The following CAND1 variants were observed in gnomAD, a reference collection of about 807,000 sequenced individuals.
CAND1 encodes the protein cullin-associated NEDD8-dissociated protein 1.
Under a neutral mutation model 108.5 loss-of-function variants are expected in CAND1, and 7 were observed. The observed-to-expected ratio is 0.06, with a 90% confidence interval of 0.04 to 0.12. The LOEUF (loss-of-function observed/expected upper bound fraction) is 0.12. CAND1 is among the 10% of genes least tolerant of loss of function. The pLI is 1.00. For synonymous variants in CAND1, 534 were observed against 512.0 expected (o/e 1.04, Z -0.58); for missense variants, 941 against 1,448.7 (o/e 0.65, Z 5.69).
rs11176683 is a variant in CAND1 at position 67,317,127 on chromosome 12, A to G, written c.*4297A>G. On this transcript the variant is annotated 3_prime_UTR_variant, in exon 15 of 15. Transcript: ENST00000545606. ...AATATTTAAGGGAAACTGAAGTGCA[A>G]ATGGCCTCACAGGTTTGTTTTTGTG... The G allele has an allele frequency of 0.48, 73,551 of 152,090 alleles. 19,312 individuals are homozygous for G. Among genetic ancestry groups the G allele is most frequent in the Non-Finnish European group, 0.59 (40,394 of 68,000 alleles). 9.4% of individuals were successfully genotyped at this position (152,090 alleles called of 1,614,324 possible).
At chr12:67,292,578 T>G (rs775427031) in intron 2 of CAND1, 44 bp from the exon 3 acceptor site, 1 of 1,468,996 alleles carries the variant, frequency 6.8e-7, no homozygotes, top group Admixed American at 2.2e-5. Flanking sequence ...CCTGTTTTTG[T>G]GCTTATCTAG....
rs1231423950 is a variant in CAND1, at chr12:67,315,743, G to A, written c.*2913G>A. On this transcript the variant is annotated 3_prime_UTR_variant, in exon 15 of 15. Transcript: ENST00000545606. ...CTTCGGTAAATAGTGAAGAAATAAT[G>A]GGCATATCTAATTAACCAGTTCTAG... is the stretch of plus-strand genomic sequence containing the variant. 6.6e-6 allele frequency: 1 copy of A among 151,956 alleles called. No individual in the cohort carries two copies. Among genetic ancestry groups the A allele is most frequent in the African/African-American group, 2.4e-5 (1 of 41,340 alleles). 9.4% of individuals were successfully genotyped at this position (151,956 alleles called of 1,614,324 possible). A position where few individuals can be genotyped will look rare whatever the true frequency, so the allele number is the denominator to read the frequency against.
chr12:67,294,860 A>G (rs188031150), intron 3 of CAND1, 173 bp from the exon 4 acceptor site: 10 of 472,200 alleles, frequency 2.1e-5, no homozygotes, highest in African/African-American at 2.0e-5. Context: ...GTTTATTTCT[A>G]TAAGTCATTT....
chr12:67,293,185 C>T (rs2044737510), intron 3 of CAND1: 1 of 179,114 alleles, frequency 5.6e-6, no homozygotes, highest in Non-Finnish European at 1.2e-5. Flanking sequence ...TAACACCATT[C>T]AGACATAGCT....
intron 1 of CAND1, among the ~76,000 whole-genome samples, chr12:67,273,324 A>G (rs1475772672): frequency 6.6e-6 from 1 of 152,182 alleles, no homozygotes; most frequent in Non-Finnish European, 1.5e-5. Context: ...TGCATGTTCC[A>G]TAAAGGAATA....
rs557106057 is a variant in CAND1, at chr12:67,269,643, TGGC to T, written c.-59_-57del. ...CCGCGAGCGAGAGGAGGAGCTCCAG[TGGC>T]GGCGGCGGCGGCGGCAGCGGCAGCG... On this transcript the variant is annotated 5_prime_UTR_variant, in exon 1 of 15. Coordinates refer to ENST00000545606, the MANE Select transcript of CAND1 (RefSeq NM_018448.5). 746 of 1,310,588 alleles carry T rather than the reference TGGC, an allele frequency of 5.7e-4. No individual in the cohort carries two copies. Among genetic ancestry groups the T allele is most frequent in the Non-Finnish European group, 6.6e-4 (609 of 927,582 alleles). The allele number at this position is 1,310,588 out of a possible 1,614,324, so 81.2% of individuals were successfully genotyped here. A position where few individuals can be genotyped will look rare whatever the true frequency, so the allele number is the denominator to read the frequency against.
Position 67,319,313 on chromosome 12 carries a change from T to C in CAND1, c.*6483T>C, listed in dbSNP as rs1180996615. 6.6e-6 allele frequency: 1 copy of C among 152,270 alleles called. No homozygotes were observed. Among genetic ancestry groups the C allele is most frequent in the Non-Finnish European group, 1.5e-5 (1 of 68,058 alleles). The allele number at this position is 152,270 out of a possible 1,614,324, so 9.4% of individuals were successfully genotyped here. On this transcript the variant is annotated 3_prime_UTR_variant, in exon 15 of 15. Coordinates refer to ENST00000545606, the MANE Select transcript of CAND1 (RefSeq NM_018448.5). ...AGGACTAACTTTTTCTTCTGACAAC[T>C]ATAAAATATTTCCCTTGCCTTCTCA...
At chr12:67,276,336 T>A (rs2044569292) in intron 1 of CAND1, among the ~76,000 whole-genome samples, 1 of 152,256 alleles carries the variant, frequency 6.6e-6, no homozygotes, top group Non-Finnish European at 1.5e-5. Flanking sequence ...TATATTTTTT[T>A]AAATCACTTT....
intron 2 of CAND1, among the ~76,000 whole-genome samples, chr12:67,283,680 A>C (rs1254024579): frequency 6.6e-6 from 1 of 152,154 alleles, no homozygotes; most frequent in Non-Finnish European, 1.5e-5. Context: ...TGTGCCTAAT[A>C]AACAAAATTA....
rs1057254157 is a variant in CAND1, at chr12:67,315,865, T to C, written c.*3035T>C. The C allele has an allele frequency of 1.3e-5, 2 of 152,244 alleles. No homozygotes were observed. Among genetic ancestry groups the C allele is most frequent in the African/African-American group, 4.8e-5 (2 of 41,544 alleles). 9.4% of individuals were successfully genotyped at this position (152,244 alleles called of 1,614,324 possible). On this transcript the variant is annotated 3_prime_UTR_variant, in exon 15 of 15. Coordinates refer to ENST00000545606, the MANE Select transcript of CAND1 (RefSeq NM_018448.5). The stretch of plus-strand genomic sequence containing the variant: ...GTTCAAAATGAGGAAGTATACAAAA[T>C]CCTCAGCCACTGAAAAATTCAGTTA...
chr12:67,312,753 C>T lies in CAND1; in HGVS notation c.3616C>T (p.Pro1206Ser). 3 of 1,613,724 alleles carry T rather than the reference C, an allele frequency of 1.9e-6. No homozygotes were observed. The highest frequency in any genetic ancestry group is 2.5e-6 in the Non-Finnish European group (3 of 1,179,810). ...SEFQSQISSN[P>S]ELAAIFESIQ... ...ATTCCAGTCACAGATCAGTTCTAAC[C>T]CTGAGCTGGCGGCTATCTTTGAAAG... Residue 1206 changes from proline (P) to serine (S), a missense_variant, in exon 15 of 15, where the codon CCT (proline) becomes TCT (serine). By Grantham distance (74) the Pro-to-Ser change is moderately conservative. Around this residue, in one of 9 missense-constraint regions of CAND1, gnomAD observed 39 missense variants for 51.3 expected, o/e 0.76. Coordinates refer to ENST00000545606, the MANE Select transcript of CAND1 (RefSeq NM_018448.5).
intron 3 of CAND1, chr12:67,293,124 ACT>A (rs1320112719): frequency 4.4e-6 from 1 of 229,054 alleles, no homozygotes. Flanking sequence ...TGATTAGTTC[ACT>A]GTTTCCAGTA....
In CAND1 at chr12:67,299,049, A is replaced by G; in HGVS notation, c.954A>G (p.Glu318=). 6.7e-7 allele frequency: 1 copy of G among 1,501,202 alleles called. No homozygotes were observed. Among genetic ancestry groups the G allele is most frequent in the Non-Finnish European group, 9.2e-7 (1 of 1,082,354 alleles). 93.0% of individuals were successfully genotyped at this position (1,501,202 alleles called of 1,614,324 possible). Residue 318 remains glutamate, a synonymous_variant, in exon 7 of 15, where the codon GAA becomes GAG. Transcript: ENST00000545606. ...ATTATAATTACGATGATGAAGATGA[A>G]GATGAAAATGCAATGGATGCTGATG... ...DPNYNYDDED[E]DENAMDADGG...
rs536809313 is a variant in CAND1 at position 67,280,415 on chromosome 12, C to T, written c.69-1495C>T. ...TTATTTCCCATGTTGCGGACTATCTCCATAGCTGTTTATCAATTCAGCTCC... is the reference window on the plus strand; with the variant it reads ...TTATTTCCCATGTTGCGGACTATCTTCATAGCTGTTTATCAATTCAGCTCC... On this transcript the variant is annotated intron_variant, in intron 1 of 14. Coordinates refer to ENST00000545606, the MANE Select transcript of CAND1 (RefSeq NM_018448.5). 7.9e-5 allele frequency among the ~76,000 whole-genome samples: 12 copies of T among 152,312 alleles called. 1 individual carries two copies. The highest frequency in any genetic ancestry group is 7.2e-4 in the Admixed American group (11 of 15,306).
intron 12 of CAND1, 40 bp from the exon 13 acceptor site, chr12:67,310,112 T>C: frequency 6.2e-7 from 1 of 1,609,628 alleles, no homozygotes; most frequent in Admixed American, 1.7e-5. Context: ...GTCTTTGACT[T>C]AAGTATTGTA....
Position 67,295,116 on chromosome 12 carries a change from C to A in CAND1, c.451C>A (p.Gln151Lys). The A allele has an allele frequency of 1.2e-6, 2 of 1,612,868 alleles. No individual in the cohort carries two copies. The highest frequency in any genetic ancestry group is 2.2e-5 in the South Asian group (2 of 90,962). ...AIAKQEDVSV[Q>K]LEALDIMADM... ...AGCAAAACAGGAAGATGTCTCTGTT[C>A]AGCTAGAAGCCTTGGATATTATGGC... The change falls in exon 4 of 15, where the codon CAG becomes AAG. Residue 151 changes from glutamine to lysine, a missense_variant. Transcript: ENST00000545606.
At position 67,306,053 on chromosome 12, in the gene CAND1, T is replaced by A. The variant is rs2044880234; in HGVS notation, c.2385T>A (p.Ser795=). Reference sequence around the variant, plus strand: ...GCACAGCTCTTACTCATAAGCAGTCTTATTATTCCATTGCCAAATGTGTAG... The same window carrying A: ...GCACAGCTCTTACTCATAAGCAGTCATATTATTCCATTGCCAAATGTGTAG... The part of the protein sequence containing the change: ...SQSTALTHKQ[S]YYSIAKCVAA... Residue 795 remains serine, a synonymous_variant, in exon 10 of 15, where the codon TCT becomes TCA. Coordinates refer to ENST00000545606, the MANE Select transcript of CAND1 (RefSeq NM_018448.5). The A allele has an allele frequency of 6.2e-7, 1 of 1,614,012 alleles. No homozygotes were observed. Among genetic ancestry groups the A allele is most frequent in the Admixed American group, 1.7e-5 (1 of 60,002 alleles).
Position 67,302,570 on chromosome 12 carries a change from T to C in CAND1, c.1248T>C (p.Asp416=). ...TACAAAGTTGGCTATGTGACCCTGA[T>C]GCAATGGAGCAGGGAGAAACACCTT... is the stretch of plus-strand genomic sequence containing the variant. ...RPVQSWLCDP[D]AMEQGETPLT... Residue 416 remains aspartate (D), a synonymous_variant, in exon 8 of 15, where the codon GAT becomes GAC. Coordinates refer to ENST00000545606, the MANE Select transcript of CAND1 (RefSeq NM_018448.5). 2.5e-6 allele frequency: 4 copies of C among 1,614,120 alleles called. No homozygotes were observed. In the South Asian group the frequency reaches 3.3e-5, roughly 13 times the overall value.
chr12:67,286,436 C>T (rs759162925), intron 2 of CAND1, among the ~76,000 whole-genome samples: 1 of 152,174 alleles, frequency 6.6e-6, no homozygotes, highest in Middle Eastern at 3.2e-3. Flanking sequence ...GCTCCACATT[C>T]TCACCAGCCA....
Sources: allele counts gnomAD v4.1 joint callset (sites outside exome capture counted in the v4.1 genomes callset), GRCh38; gene constraint gnomAD v4.1.1; regional missense constraint gnomAD v4.1.1; transcripts MANE v1.5; gene names NCBI Gene and HGNC (gene_info 2026-07-23, HGNC 2026-07-21).